Variants in ABCA10 observed in about 807,000 individuals in gnomAD.
ABCA10 encodes ATP binding cassette subfamily A member 10, also known as ATP-binding cassette sub-family A member 10.
ABCA10 carries 169 observed loss-of-function variants against 187.5 expected under a neutral mutation model. That is an observed-to-expected ratio of 0.90 (90% CI 0.80 to 1.02). The LOEUF (loss-of-function observed/expected upper bound fraction) is 1.02, where lower values mean the gene tolerates loss of function less well. Ranked by LOEUF, ABCA10 falls within the 50% of genes least tolerant of loss-of-function variation. ABCA10 has a pLI of 0.00. For synonymous variants in ABCA10, 574 were observed against 601.8 expected, an observed-to-expected ratio of 0.95 and a Z score of 0.68; for missense variants, 1,727 against 1,812.4, an observed-to-expected ratio of 0.95 and a Z score of 0.86.
intron 5 of ABCA10, among the ~76,000 whole-genome samples, chr17:69,221,355 T>C (rs1197248348): frequency 6.6e-6 from 1 of 152,158 alleles, no homozygotes; most frequent in Admixed American, 6.5e-5. Flanking sequence ...TAGCCATTAA[T>C]AGAAGGAAGT....
At chr17:69,168,361 A>C (rs1166250480) in intron 25 of ABCA10, among the ~76,000 whole-genome samples, 3 of 152,118 alleles carry the variant, frequency 2.0e-5, no homozygotes, top group Non-Finnish European at 2.9e-5. Flanking sequence ...ATTCTCTTTT[A>C]TATTCCATTG....
chr17:69,181,715 A>G (rs1239426879), intron 22 of ABCA10, among the ~76,000 whole-genome samples: 1 of 152,052 alleles, frequency 6.6e-6, no homozygotes, highest in African/African-American at 2.4e-5. Flanking sequence ...ATCTTTCAGA[A>G]TAAGTAATAG....
rs2074703031 is a variant in ABCA10, at chr17:69,216,221, G to A, written c.668C>T (p.Ser223Phe). Residue 223 changes from serine (S) to phenylalanine (F), a missense_variant, in exon 7 of 39, where the codon TCT becomes TTT. Coordinates refer to ENST00000690296, the MANE Select transcript of ABCA10 (RefSeq NM_001377321.1). ...AATATGCTTTTACCAACTCACCAAA[G>A]AAAGGCCATATAAGCTATAGAGTGT... ...IFTLYSLYGL[S>F]LIALAFLMSV... is the part of the protein sequence containing the mutation. The A allele has an allele frequency of 3.1e-6, 5 of 1,607,554 alleles. No individual in the cohort carries two copies. In the East Asian group the frequency reaches 1.1e-4, roughly 36 times the overall value.
chr17:69,241,192 A>G (rs1029086280), intron 1 of ABCA10, among the ~76,000 whole-genome samples: 1 of 152,184 alleles, frequency 6.6e-6, no homozygotes, highest in African/African-American at 2.4e-5. Context: ...ACTCTTCCAG[A>G]GGCTCAGACA....
chr17:69,174,187 T>C (rs1382140436), intron 25 of ABCA10, 94 bp downstream of exon 25: 1 of 869,716 alleles, frequency 1.1e-6, no homozygotes. Flanking sequence ...AAACCCTCCA[T>C]TCTCTTCTAA....
chr17:69,188,055 G>A (rs8074654), intron 18 of ABCA10, among the ~76,000 whole-genome samples, 176 bp from the exon 19 acceptor site: 113,418 of 152,102 alleles, frequency 0.75, 42,822 homozygotes, highest in African/African-American at 0.84. Flanking sequence ...AATGGATTCA[G>A]TTCCAATGAG....
intron 24 of ABCA10, 66 bp from the exon 25 acceptor site, chr17:69,174,460 G>A: frequency 7.7e-7 from 1 of 1,293,986 alleles, no homozygotes. Context: ...GAGGAGGGGA[G>A]ATAATCAGGT....
intron 37 of ABCA10, 79 bp from the exon 38 acceptor site, chr17:69,149,167 G>C: frequency 1.3e-6 from 2 of 1,482,084 alleles, no homozygotes; most frequent in East Asian, 2.3e-5. Flanking sequence ...AGAGACAGTA[G>C]CTTCAAATTG....
rs577859223 is a variant in ABCA10, at chr17:69,154,801, G to C, written c.3694+218C>G. 6.6e-5 allele frequency among the ~76,000 whole-genome samples: 10 copies of C among 152,152 alleles called. No homozygotes were observed. In the East Asian group the frequency reaches 1.9e-3, roughly 29 times the overall value. On this transcript the variant is annotated intron_variant, in intron 30 of 38. Coordinates refer to ENST00000690296, the MANE Select transcript of ABCA10 (RefSeq NM_001377321.1). ...TTACAACATTAATACAGAGAATCAG[G>C]GTCTTCTTAATCCAAGACTGGGTTT...
chr17:69,185,205 C>T (rs929534805), intron 20 of ABCA10, among the ~76,000 whole-genome samples: 4 of 152,038 alleles, frequency 2.6e-5, no homozygotes, highest in Non-Finnish European at 5.9e-5. Context: ...GTGTACACTG[C>T]TCAGGTGATG....
At chr17:69,211,343 A>ATGTG (rs2074655101) in intron 9 of ABCA10, among the ~76,000 whole-genome samples, 1 of 25,490 alleles carries the variant, frequency 3.9e-5, no homozygotes, top group Non-Finnish European at 9.0e-5. Context: ...ATATATATAT[A>ATGTG]TATATATATA....
intron 1 of ABCA10, among the ~76,000 whole-genome samples, chr17:69,241,032 C>T (rs1158694030): frequency 2.0e-5 from 3 of 152,210 alleles, no homozygotes; most frequent in Non-Finnish European, 2.9e-5. Context: ...CTGGACATCT[C>T]CACTTGGATG....
chr17:69,222,865 T>C (rs1425966502), intron 3 of ABCA10, among the ~76,000 whole-genome samples, 168 bp from the exon 4 acceptor site: 1 of 152,182 alleles, frequency 6.6e-6, no homozygotes, highest in Non-Finnish European at 1.5e-5. Context: ...TTAAGTTCAA[T>C]GCAAATACAT....
At chr17:69,206,630 A>C (rs904863578) in intron 9 of ABCA10, among the ~76,000 whole-genome samples, 1 of 152,216 alleles carries the variant, frequency 6.6e-6, no homozygotes, top group African/African-American at 2.4e-5. Flanking sequence ...TTTTAGTTTG[A>C]TGTAGACTCT....
intron 22 of ABCA10, among the ~76,000 whole-genome samples, chr17:69,180,962 C>T (rs2074376022): frequency 6.6e-6 from 1 of 151,994 alleles, no homozygotes; most frequent in Non-Finnish European, 1.5e-5. Flanking sequence ...AACTAAATTG[C>T]ATCTGATCAA....
chr17:69,174,537 C>T (rs1171804609), intron 24 of ABCA10, 70 bp downstream of exon 24: 4 of 1,483,040 alleles, frequency 2.7e-6, no homozygotes, highest in Non-Finnish European at 3.6e-6. Context: ...AATGACAAAA[C>T]ATTCATGAAA....
In ABCA10 at chr17:69,182,784, T is replaced by C; in HGVS notation, c.2522A>G (p.His841Arg). ...NTGSNIEDLV[H>R]SLKCQDIVLE... ...AACTATATCCTGACACTTCAGTGAA[T>C]GCACGAGGTCTTCAATATTTGATCC... The change falls in exon 21 of 39, where the codon CAT becomes CGT. Residue 841 changes from histidine (H) to arginine (R), a missense_variant. Coordinates refer to ENST00000690296, the MANE Select transcript of ABCA10 (RefSeq NM_001377321.1). The C allele has an allele frequency of 6.2e-7, 1 of 1,607,104 alleles. No homozygotes were observed.
rs1223005652 is a variant in ABCA10 at position 69,174,743 on chromosome 17, A to G, written c.2912T>C (p.Leu971Pro). 3 of 1,601,216 alleles carry G rather than the reference A, an allele frequency of 1.9e-6. No individual in the cohort carries two copies. The highest frequency in any genetic ancestry group is 2.6e-6 in the Non-Finnish European group (3 of 1,175,378). ...TCCACACCAGTATGCTGAAGGCCAG[A>G]GGCCTGAAATCCATAACTGGGATTG... ...NVQSQLWISGLWPSAYWCGQA... is the reference protein window; with the variant it reads ...NVQSQLWISGPWPSAYWCGQA... The change falls in exon 24 of 39, where the codon CTC becomes CCC. Residue 971 changes from leucine to proline, a missense_variant. Physicochemically the swap from Leu to Pro is moderately conservative, Grantham distance 98. Coordinates refer to ENST00000690296, the MANE Select transcript of ABCA10 (RefSeq NM_001377321.1).
intron 26 of ABCA10, among the ~76,000 whole-genome samples, chr17:69,164,376 T>C (rs775680826): frequency 6.6e-6 from 1 of 152,174 alleles, no homozygotes; most frequent in Admixed American, 6.6e-5. Context: ...TTGTATGTAA[T>C]AGGGATTTCC....
Sources: gnomAD v4.1 joint callset for allele counts (sites outside exome capture counted in the v4.1 genomes callset) on GRCh38, gnomAD v4.1.1 for gene constraint, MANE v1.5 for transcripts, NCBI Gene and HGNC (gene_info 2026-07-23, HGNC 2026-07-21) for gene names.